ZFYVE28: variants seen among roughly 807,000 people sequenced by gnomAD.
The protein encoded by ZFYVE28 is lateral signaling target protein 2 homolog.
ZFYVE28 carries 40 observed loss-of-function variants against 82.1 expected under a neutral mutation model. That is an observed-to-expected ratio of 0.49 (90% CI 0.38 to 0.63). The LOEUF (loss-of-function observed/expected upper bound fraction) is 0.63, where lower values mean the gene tolerates loss of function less well. ZFYVE28 is among the 30% of genes least tolerant of loss of function. The probability of loss-of-function intolerance (pLI) is 0.00; values close to 1 mark genes in which losing one functional copy is unlikely to be tolerated. For synonymous variants in ZFYVE28, 612 were observed against 546.1 expected, an observed-to-expected ratio of 1.12 and a Z score of -1.68; for missense variants, 1,321 against 1,242.1, an observed-to-expected ratio of 1.06 and a Z score of -0.96.
intron 1 of ZFYVE28, among the ~76,000 whole-genome samples, chr4:2,374,747 C>G (rs558164225): frequency 1.1e-4 from 17 of 152,332 alleles, no homozygotes; most frequent in African/African-American, 2.9e-4. Context: ...TTAAATTGAA[C>G]TCATATAAAC....
chr4:2,283,446 TCCACCCATCCAC>T (rs1223784203), intron 8 of ZFYVE28, among the ~76,000 whole-genome samples: 4 of 121,098 alleles, frequency 3.3e-5, no homozygotes, highest in East Asian at 2.9e-4. Context: ...CACTCATCCA[TCCACCCATCCAC>T]CCACCCATCC....
chr4:2,316,044 C>G (rs1412190171), intron 7 of ZFYVE28, among the ~76,000 whole-genome samples: 2 of 152,162 alleles, frequency 1.3e-5, no homozygotes, highest in African/African-American at 4.8e-5. Context: ...TATCCTCAAG[C>G]TGACTACTTC....
chr4:2,325,248 C>T (rs1224238264), intron 6 of ZFYVE28, among the ~76,000 whole-genome samples: 1 of 152,118 alleles, frequency 6.6e-6, no homozygotes, highest in African/African-American at 2.4e-5. Context: ...GTGGGAAATC[C>T]TGCCAATGAA....
Position 2,306,066 on chromosome 4 carries a change from A to C in ZFYVE28, c.804-530T>G, listed in dbSNP as rs559418059. On this transcript the variant is annotated intron_variant, in intron 7 of 12. Transcript: ENST00000290974. ...TTTATACAAACAATGACTGAACTAC[A>C]ATAATGACAGCTGCAACCAAAGACA... Among the ~76,000 whole-genome samples the C allele has an allele frequency of 7.2e-5, 11 of 152,400 alleles. No individual in the cohort carries two copies. The South Asian group carries it at 2.3e-3, about 32-fold the overall frequency.
intron 8 of ZFYVE28, among the ~76,000 whole-genome samples, chr4:2,279,378 C>T (rs2108802096): frequency 6.6e-6 from 1 of 152,278 alleles, no homozygotes; most frequent in South Asian, 2.1e-4. Context: ...TTGCAGTGAG[C>T]CAAGATCGTG....
At position 2,341,409 on chromosome 4, in the gene ZFYVE28, AG is replaced by A; in HGVS notation, c.318+68del. 6.3e-7 allele frequency: 1 copy of A among 1,586,038 alleles called. No individual in the cohort carries two copies. The highest frequency in any genetic ancestry group is 1.1e-5 in the South Asian group (1 of 88,312). On this transcript the variant is annotated intron_variant, in intron 3 of 12. Transcript: ENST00000290974. This position sits in a 1 kb window ranked among gnomAD's most constrained non-coding sequence, Gnocchi z 4.5. The stretch of plus-strand genomic sequence containing the variant: ...CGGCACCTGCAGGCGCCCATGCACA[AG>A]GTTCGCAGGGACTTGGCTAGACGCC...
chr4:2,345,407 G>A (rs34455202), intron 2 of ZFYVE28, among the ~76,000 whole-genome samples: 27,790 of 151,844 alleles, frequency 0.18, 3,418 homozygotes, highest in East Asian at 0.47. Flanking sequence ...ATTTAGAGAT[G>A]AAAATTACAG....
intron 1 of ZFYVE28, among the ~76,000 whole-genome samples, chr4:2,365,145 G>A (rs1303938728): frequency 6.6e-6 from 1 of 151,732 alleles, no homozygotes; most frequent in Non-Finnish European, 1.5e-5. Flanking sequence ...CCCTGAATGC[G>A]GCGGGGGGAC....
intron 1 of ZFYVE28, among the ~76,000 whole-genome samples, chr4:2,359,142 T>A (rs1725767429): frequency 7.2e-6 from 1 of 138,682 alleles, no homozygotes; most frequent in Non-Finnish European, 1.5e-5. Context: ...GCCCGGCTAA[T>A]TTTTTTTTTT....
intron 8 of ZFYVE28, chr4:2,285,939 T>C (rs1275231834): frequency 6.6e-6 from 1 of 152,398 alleles, no homozygotes. Context: ...GCGCATTGTC[T>C]TGGAGCACCC....
chr4:2,385,320 G>A (rs1302885575), intron 1 of ZFYVE28, among the ~76,000 whole-genome samples: 3 of 152,158 alleles, frequency 2.0e-5, no homozygotes, highest in African/African-American at 7.2e-5. Context: ...AGACCCACCT[G>A]AAGCAGGCCC....
At position 2,300,167 on chromosome 4, in the gene ZFYVE28, C is replaced by T. The variant is rs1254630014; in HGVS notation, c.2051+4122G>A. ...CATCTATAATTAGCAAACAGGGAGT[C>T]AGTGTTACTTTTTGCAGAAGGCAAA... On this transcript the variant is annotated intron_variant, in intron 8 of 12. Transcript: ENST00000290974. This position sits in a 1 kb window ranked among gnomAD's most constrained non-coding sequence, Gnocchi z 4.6. 6.6e-6 allele frequency among the ~76,000 whole-genome samples: 1 copy of T among 152,190 alleles called. No individual in the cohort carries two copies. Among genetic ancestry groups the T allele is most frequent in the Non-Finnish European group, 1.5e-5 (1 of 68,032 alleles).
chr4:2,379,847 G>A lies in ZFYVE28; in HGVS notation c.40-25774C>T, dbSNP rs1029448296. On this transcript the variant is annotated intron_variant, in intron 1 of 12. Coordinates refer to ENST00000290974, the MANE Select transcript of ZFYVE28 (RefSeq NM_020972.3). ...CTGTCACCCAGGCTGGAGTGCAGTCGCACAATCTCAGCTCACTGCGGCTTC... is the reference window on the plus strand; with the variant it reads ...CTGTCACCCAGGCTGGAGTGCAGTCACACAATCTCAGCTCACTGCGGCTTC... Among the ~76,000 whole-genome samples, 66 of 151,622 alleles carry A rather than the reference G, an allele frequency of 4.4e-4. No homozygotes were observed. In the East Asian group the frequency reaches 4.5e-3, roughly 10 times the overall value.
At chr4:2,351,841 T>C (rs111945263) in intron 2 of ZFYVE28, among the ~76,000 whole-genome samples, 1,970 of 152,320 alleles carry the variant, frequency 0.013, 54 homozygotes, top group African/African-American at 0.045. Context: ...TTGGATTAAT[T>C]TGTAGAGTGG....
At chr4:2,343,903 T>C (rs1415114142) in intron 2 of ZFYVE28, among the ~76,000 whole-genome samples, 3 of 152,180 alleles carry the variant, frequency 2.0e-5, no homozygotes, top group Non-Finnish European at 4.4e-5. Flanking sequence ...CCTAGAACAG[T>C]GCCTCACACA....
At chr4:2,370,876 G>A (rs1016229697) in intron 1 of ZFYVE28, among the ~76,000 whole-genome samples, 13 of 152,200 alleles carry the variant, frequency 8.5e-5, no homozygotes, top group South Asian at 2.1e-4. Flanking sequence ...ACCCTGCCAC[G>A]TCCATGTGGG....
At chr4:2,399,620 C>T (rs9996449) in intron 1 of ZFYVE28, among the ~76,000 whole-genome samples, 129,069 of 151,992 alleles carry the variant, frequency 0.85, 54,955 homozygotes, top group Admixed American at 0.9. Context: ...ACTCCGTGCC[C>T]GTTTTGAGAG....
Position 2,271,403 on chromosome 4 carries a change from A to G in ZFYVE28, c.2440T>C (p.Trp814Arg). The change falls in exon 12 of 13, where the codon TGG becomes CGG. Residue 814 changes from tryptophan to arginine, a missense_variant. Trp to Arg is a moderately radical substitution (Grantham distance 101). Around this residue, in one of 2 missense-constraint regions of ZFYVE28, gnomAD observed 978 missense variants for 833.7 expected, o/e 1.17. Coordinates refer to ENST00000290974, the MANE Select transcript of ZFYVE28 (RefSeq NM_020972.3). The part of the protein sequence containing the change: ...RDGDFEDPPE[W>R]VPDEACGFCT... ...AAGCCACAGGCCTCGTCTGGCACCCACTCCGGGGGGTCTGTCACAACAACA... is the reference window on the plus strand; with the variant it reads ...AAGCCACAGGCCTCGTCTGGCACCCGCTCCGGGGGGTCTGTCACAACAACA... 6.2e-7 allele frequency: 1 copy of G among 1,612,654 alleles called. No homozygotes were observed. Among genetic ancestry groups the G allele is most frequent in the Non-Finnish European group, 8.5e-7 (1 of 1,179,818 alleles).
At chr4:2,271,034 T>C (rs149667394) in intron 12 of ZFYVE28, 178 bp from the exon 13 acceptor site, 2 of 934,858 alleles carry the variant, frequency 2.1e-6, no homozygotes, top group East Asian at 5.3e-5. Context: ...GGGGTCCACG[T>C]CCTGCACCAA....
Sources: allele counts gnomAD v4.1 joint callset (sites outside exome capture counted in the v4.1 genomes callset), GRCh38; gene constraint gnomAD v4.1.1; regional missense constraint gnomAD v4.1.1; non-coding constraint Gnocchi (gnomAD v3.1); transcripts MANE v1.5; gene names NCBI Gene and HGNC (gene_info 2026-07-23, HGNC 2026-07-21).